Variants in BCAS3 observed in about 807,000 individuals in gnomAD.
BCAS3 encodes the protein BCAS3 microtubule associated cell migration factor.
Under a neutral mutation model 116.1 loss-of-function variants are expected in BCAS3, and 53 were observed. That is an observed-to-expected ratio of 0.46 (90% confidence interval 0.37 to 0.57). The LOEUF (loss-of-function observed/expected upper bound fraction) is 0.57. Among genes scored for constraint, BCAS3 ranks in the 20% least tolerant of loss-of-function variants. The pLI, the probability that BCAS3 is intolerant of heterozygous loss-of-function variation, is 0.00. For missense variants in BCAS3, 917 were observed against 1,165.4 expected (o/e 0.79, Z 3.10); for synonymous variants, 391 against 408.2 (o/e 0.96, Z 0.51).
At chr17:60,998,070 C>T (rs1022505628) in intron 15 of BCAS3, among the ~76,000 whole-genome samples, 2 of 152,126 alleles carry the variant, frequency 1.3e-5, no homozygotes, top group African/African-American at 4.8e-5. Context: ...ATGTTTAGCT[C>T]CCACTTATAA....
At chr17:61,375,069 G>C (rs1361842120) in intron 23 of BCAS3, among the ~76,000 whole-genome samples, 2 of 152,162 alleles carry the variant, frequency 1.3e-5, no homozygotes, top group Non-Finnish European at 2.9e-5. Context: ...TGTACTGAAA[G>C]GGCTGCGCCT....
In BCAS3 at chr17:61,380,720, G is replaced by T; in HGVS notation, c.2594-11257G>T. On this transcript the variant is annotated intron_variant, in intron 23 of 23. Coordinates refer to ENST00000407086, the MANE Select transcript of BCAS3 (RefSeq NM_017679.5). This position sits in a 1 kb window ranked among gnomAD's most constrained non-coding sequence, Gnocchi z 4.2. ...TCAGCTCAGATGGGAGGTCTCTTCT[G>T]GAAGGGGACTGGTTTGGGATGGGGA... is the stretch of plus-strand genomic sequence containing the variant. 1.5e-6 allele frequency: 1 copy of T among 687,588 alleles called. No homozygotes were observed. Among genetic ancestry groups the T allele is most frequent in the Non-Finnish European group, 2.5e-6 (1 of 402,822 alleles). 42.6% of individuals were successfully genotyped at this position (687,588 alleles called of 1,614,324 possible). A position where few individuals can be genotyped will look rare whatever the true frequency, so the allele number is the denominator to read the frequency against.
rs1049881918 is a variant in BCAS3 at position 61,333,479 on chromosome 17, T to C, written c.2426-34848T>C. ...TAGCTCACCCTCCTGTCCACTCACA[T>C]TGTGGCGCCCCCGACCCTTGCCAAT... is the stretch of plus-strand genomic sequence containing the variant. On this transcript the variant is annotated intron_variant, in intron 22 of 23. Transcript: ENST00000407086. The surrounding 1 kb of genome is among the most constrained non-coding windows in gnomAD (Gnocchi z 4.8). Among the ~76,000 whole-genome samples the C allele has an allele frequency of 6.6e-6, 1 of 152,036 alleles. No homozygotes were observed. Among genetic ancestry groups the C allele is most frequent in the Non-Finnish European group, 1.5e-5 (1 of 67,998 alleles).
At chr17:61,018,683 C>T (rs1409816496) in intron 16 of BCAS3, among the ~76,000 whole-genome samples, 1 of 151,958 alleles carries the variant, frequency 6.6e-6, no homozygotes, top group Non-Finnish European at 1.5e-5. Flanking sequence ...ACGTCATTCA[C>T]GTTCTCTCCC....
chr17:61,197,340 C>G (rs568838479), intron 22 of BCAS3, among the ~76,000 whole-genome samples: 2 of 152,116 alleles, frequency 1.3e-5, no homozygotes, highest in South Asian at 2.1e-4. Flanking sequence ...TCCAGTCTTA[C>G]GTTTGCTTAA....
chr17:60,791,839 C>A (rs1598744173), intron 6 of BCAS3, among the ~76,000 whole-genome samples: 1 of 151,934 alleles, frequency 6.6e-6, no homozygotes, highest in South Asian at 2.1e-4. Context: ...GAAATATGAT[C>A]CCTGGCTGGG....
chr17:61,236,866 C>T (rs1361767154), intron 22 of BCAS3, among the ~76,000 whole-genome samples: 1 of 151,748 alleles, frequency 6.6e-6, no homozygotes, highest in African/African-American at 2.4e-5. Context: ...TTTTATGCAG[C>T]AGGAACAACA....
intron 7 of BCAS3, among the ~76,000 whole-genome samples, chr17:60,816,122 G>A (rs895899524): frequency 6.6e-6 from 1 of 152,120 alleles, no homozygotes; most frequent in East Asian, 1.9e-4. Flanking sequence ...TGTCCAGGTT[G>A]CTCTCCAGCT....
Position 61,316,665 on chromosome 17 carries a change from G to T in BCAS3, c.2426-51662G>T, listed in dbSNP as rs1232798237. On this transcript the variant is annotated intron_variant, in intron 22 of 23. Coordinates refer to ENST00000407086, the MANE Select transcript of BCAS3 (RefSeq NM_017679.5). The surrounding 1 kb of genome is among the most constrained non-coding windows in gnomAD (Gnocchi z 5.8). ...AGGGAGGGAGAGAGGGAAGGAGAAG[G>T]AGGATAAAATAAAAGGAAAAGAAGA... is the stretch of plus-strand genomic sequence containing the variant. 1.3e-5 allele frequency among the ~76,000 whole-genome samples: 2 copies of T among 152,170 alleles called. No homozygotes were observed. Among genetic ancestry groups the T allele is most frequent in the African/African-American group, 2.4e-5 (1 of 41,446 alleles).
rs539646909 is a variant in BCAS3, at chr17:61,321,285, A to G, written c.2426-47042A>G. Among the ~76,000 whole-genome samples the G allele has an allele frequency of 5.3e-5, 8 of 152,312 alleles. No homozygotes were observed. The South Asian group carries it at 1.7e-3, about 32-fold the overall frequency. The stretch of plus-strand genomic sequence containing the variant: ...GTGGTAGCACCTTTTTAACCCAAGT[A>G]AGGACAGAGCGTTAGCAAAAGAAGA... On this transcript the variant is annotated intron_variant, in intron 22 of 23. Coordinates refer to ENST00000407086, the MANE Select transcript of BCAS3 (RefSeq NM_017679.5).
intron 22 of BCAS3, among the ~76,000 whole-genome samples, chr17:61,147,195 C>T (rs1022543954): frequency 2.0e-5 from 3 of 152,124 alleles, no homozygotes; most frequent in East Asian, 1.9e-4. Context: ...GTGCCTTAGC[C>T]TCCTGAGGAC....
At position 61,333,163 on chromosome 17, in the gene BCAS3, A is replaced by G. The variant is rs2056425802; in HGVS notation, c.2426-35164A>G. Among the ~76,000 whole-genome samples, 1 of 152,202 alleles carries G rather than the reference A, an allele frequency of 6.6e-6. No individual in the cohort carries two copies. Among genetic ancestry groups the G allele is most frequent in the African/African-American group, 2.4e-5 (1 of 41,452 alleles). On this transcript the variant is annotated intron_variant, in intron 22 of 23. Coordinates refer to ENST00000407086, the MANE Select transcript of BCAS3 (RefSeq NM_017679.5). This position sits in a 1 kb window ranked among gnomAD's most constrained non-coding sequence, Gnocchi z 4.8. ...CTGGACCTTTATTGGCAGGTGGGTC[A>G]GAGAGGACACCTGTGTGATCAGAGA...
At chr17:61,163,341 G>A (rs1028149701) in intron 22 of BCAS3, among the ~76,000 whole-genome samples, 4 of 151,612 alleles carry the variant, frequency 2.6e-5, no homozygotes, top group African/African-American at 9.7e-5. Context: ...GGAGAATGGT[G>A]TGAACCTGGG....
At position 60,747,195 on chromosome 17, in the gene BCAS3, C is replaced by T. The variant is rs1298792675; in HGVS notation, c.322-3C>T. 8.1e-6 allele frequency: 13 copies of T among 1,603,862 alleles called. No individual in the cohort carries two copies. The highest frequency in any genetic ancestry group is 1.1e-5 in the Non-Finnish European group (13 of 1,171,488). ...GAAATATTTTCTTTCTTCTCTTATG[C>T]AGATCAGTGGTGAAGCACAAGAGCT... On this transcript the variant is annotated splice_polypyrimidine_tract_variant and splice_region_variant and intron_variant, in intron 5 of 23. Coordinates refer to ENST00000407086, the MANE Select transcript of BCAS3 (RefSeq NM_017679.5).
intron 6 of BCAS3, among the ~76,000 whole-genome samples, chr17:60,761,732 T>G (rs370635637): frequency 0.039 from 5,883 of 149,948 alleles, 398 homozygotes; most frequent in African/African-American, 0.14. Context: ...GTAATGGGAT[T>G]GCTGGGCTAA....
rs2144278661 is a variant in BCAS3 at position 61,200,868 on chromosome 17, A to G, written c.2425+116304A>G. ...CTTTCCTCTTTCCTGCCTCATCCAA[A>G]CAGTCTCCATTAGAAATAATAAAAA... On this transcript the variant is annotated intron_variant, in intron 22 of 23. Transcript: ENST00000407086. The surrounding 1 kb of genome is among the most constrained non-coding windows in gnomAD (Gnocchi z 5.1). Among the ~76,000 whole-genome samples, 1 of 152,262 alleles carries G rather than the reference A, an allele frequency of 6.6e-6. No homozygotes were observed. The highest frequency in any genetic ancestry group is 1.9e-4 in the East Asian group (1 of 5,190).
At position 61,032,952 on chromosome 17, in the gene BCAS3, A is replaced by C. The variant is rs2066751467; in HGVS notation, c.1638-1714A>C. Among the ~76,000 whole-genome samples, 1 of 152,304 alleles carries C rather than the reference A, an allele frequency of 6.6e-6. No homozygotes were observed. Among genetic ancestry groups the C allele is most frequent in the Middle Eastern group, 3.4e-3 (1 of 294 alleles). On this transcript the variant is annotated intron_variant, in intron 16 of 23. Coordinates refer to ENST00000407086, the MANE Select transcript of BCAS3 (RefSeq NM_017679.5). This position sits in a 1 kb window ranked among gnomAD's most constrained non-coding sequence, Gnocchi z 4.6. ...CAAAGTGGGGAGACCAAAGGGACCA[A>C]TCATAGTTGCCTCTGATCCAGACTT...
intron 6 of BCAS3, among the ~76,000 whole-genome samples, chr17:60,803,904 C>T (rs937662899): frequency 2.8e-5 from 4 of 145,016 alleles, no homozygotes; most frequent in East Asian, 4.2e-4. Context: ...CGGGTTTGAG[C>T]GATTCTCCTG....
intron 7 of BCAS3, among the ~76,000 whole-genome samples, chr17:60,853,183 A>G (rs967372118): frequency 2.6e-5 from 4 of 152,362 alleles, no homozygotes; most frequent in African/African-American, 9.6e-5. Flanking sequence ...AAAGAAGTCA[A>G]TCTGATAATT....
Sources: allele counts gnomAD v4.1 joint callset (sites outside exome capture counted in the v4.1 genomes callset), GRCh38; gene constraint gnomAD v4.1.1; non-coding constraint Gnocchi (gnomAD v3.1); transcripts MANE v1.5; gene names NCBI Gene and HGNC (gene_info 2026-07-23, HGNC 2026-07-21).